Variants in ANO2 observed in about 807,000 individuals in gnomAD.
ANO2 encodes the protein anoctamin 2.
Under a neutral mutation model 124.2 loss-of-function variants are expected in ANO2, and 101 were observed. That is an observed-to-expected ratio of 0.81 (90% CI 0.69 to 0.96). ANO2 has a LOEUF of 0.96. Ranked by LOEUF, ANO2 falls within the 40% of genes least tolerant of loss-of-function variation. ANO2 has a pLI of 0.00. For missense variants in ANO2, 1,293 were observed against 1,274.5 expected, an observed-to-expected ratio of 1.01 and a Z score of -0.22; for synonymous variants, 486 against 482.5, an observed-to-expected ratio of 1.01 and a Z score of -0.09.
intron 19 of ANO2, among the ~76,000 whole-genome samples, chr12:5,601,285 T>C (rs1345027481): frequency 6.6e-6 from 1 of 152,132 alleles, no homozygotes; most frequent in Non-Finnish European, 1.5e-5. Context: ...TTTATCAAGA[T>C]AAATAAAGAT....
intron 3 of ANO2, among the ~76,000 whole-genome samples, chr12:5,907,495 CTG>C (rs1157307781): frequency 6.6e-6 from 1 of 152,236 alleles, no homozygotes; most frequent in East Asian, 1.9e-4. Context: ...TGTTAACTCT[CTG>C]TTCATGAATT....
At chr12:5,882,529 G>C (rs1591737035) in intron 3 of ANO2, among the ~76,000 whole-genome samples, 1 of 152,344 alleles carries the variant, frequency 6.6e-6, no homozygotes, top group South Asian at 2.1e-4. Flanking sequence ...GTCCTGGCCT[G>C]CTGGCTAGAC....
At chr12:5,736,860 A>AC (rs971634667) in intron 13 of ANO2, among the ~76,000 whole-genome samples, 1 of 152,026 alleles carries the variant, frequency 6.6e-6, no homozygotes, top group African/African-American at 2.4e-5. Context: ...TCTCGTGGGC[A>AC]CCCCTTCTTC....
At chr12:5,778,169 G>C (rs542386828) in intron 10 of ANO2, among the ~76,000 whole-genome samples, 65 of 152,288 alleles carry the variant, frequency 4.3e-4, no homozygotes, top group African/African-American at 1.5e-3. Context: ...TTATGTGTCA[G>C]ACACTAATCT....
intron 3 of ANO2, among the ~76,000 whole-genome samples, chr12:5,893,935 T>C (rs573995724): frequency 2.0e-5 from 3 of 152,314 alleles, no homozygotes; most frequent in Non-Finnish European, 2.9e-5. Flanking sequence ...TTGTCAATAG[T>C]GCTGCAATAA....
chr12:5,880,900 G>GGGATGGATGGATGGATGGATGGAT (rs367583083), intron 3 of ANO2, among the ~76,000 whole-genome samples: 3,111 of 142,442 alleles, frequency 0.022, 135 homozygotes, highest in African/African-American at 0.078. Context: ...GGGTAGGTGG[G>GGGATGGATGGATGGATGGATGGAT]GGATGGATGG....
intron 16 of ANO2, among the ~76,000 whole-genome samples, chr12:5,619,206 G>A (rs1303809500): frequency 2.6e-5 from 4 of 152,310 alleles, no homozygotes; most frequent in Non-Finnish European, 5.9e-5. Context: ...TAAGCTGCCA[G>A]AGAAAACTCA....
chr12:5,913,987 G>C (rs1258079547), intron 3 of ANO2, among the ~76,000 whole-genome samples: 1 of 152,056 alleles, frequency 6.6e-6, no homozygotes, highest in Non-Finnish European at 1.5e-5. Context: ...GGATCACACA[G>C]TCAGGAGTTG....
intron 7 of ANO2, among the ~76,000 whole-genome samples, chr12:5,822,645 C>T (rs1298371839): frequency 6.6e-6 from 1 of 152,142 alleles, no homozygotes; most frequent in African/African-American, 2.4e-5. Flanking sequence ...TACATGATGG[C>T]AGGTTGATTA....
intron 20 of ANO2, among the ~76,000 whole-genome samples, chr12:5,589,537 AC>A (rs895202855): frequency 1.3e-5 from 2 of 151,718 alleles, no homozygotes; most frequent in African/African-American, 4.8e-5. Flanking sequence ...TTATTCAGTT[AC>A]CCCCCTTTAC....
intron 19 of ANO2, among the ~76,000 whole-genome samples, chr12:5,609,744 C>T (rs1168491129): frequency 6.6e-6 from 1 of 151,856 alleles, no homozygotes; most frequent in Non-Finnish European, 1.5e-5. Flanking sequence ...AGGTCCCTGA[C>T]ACACCCCAAG....
At chr12:5,651,085 C>T (rs1307119774) in intron 14 of ANO2, among the ~76,000 whole-genome samples, 3 of 152,228 alleles carry the variant, frequency 2.0e-5, no homozygotes, top group African/African-American at 7.2e-5. Context: ...AAAGTAAGGT[C>T]TAACCAGCTT....
At chr12:5,569,593 C>G (rs144426429) in intron 23 of ANO2, among the ~76,000 whole-genome samples, 1 of 152,098 alleles carries the variant, frequency 6.6e-6, no homozygotes, top group South Asian at 2.1e-4. Flanking sequence ...TGTAAGAGAC[C>G]GAGGAAGTCA....
chr12:5,888,212 G>C (rs906207976), intron 3 of ANO2, among the ~76,000 whole-genome samples: 1 of 151,540 alleles, frequency 6.6e-6, no homozygotes, highest in African/African-American at 2.4e-5. Context: ...AGCTCTTAAG[G>C]CGGCGCGTCT....
chr12:5,578,438 C>G lies in ANO2; in HGVS notation c.2314G>C (p.Glu772Gln). ...PVFALLNNVI[E>Q]VRLDAKKFVT... ...AACTTCTTTGCATCGAGCCGCACTT[C>G]AATGACGTTGTTGAGGAGGGCAAAC... Residue 772 changes from glutamate to glutamine, a missense_variant, in exon 21 of 25, where the codon GAA becomes CAA. Glu to Gln is a conservative substitution (Grantham distance 29). Transcript: ENST00000682330. 6.2e-7 allele frequency: 1 copy of G among 1,613,996 alleles called. No homozygotes were observed. The highest frequency in any genetic ancestry group is 8.5e-7 in the Non-Finnish European group (1 of 1,179,888).
chr12:5,904,259 A>G lies in ANO2; in HGVS notation c.534+16781T>C, dbSNP rs1940522297. On this transcript the variant is annotated intron_variant, in intron 3 of 24. Coordinates refer to ENST00000682330, the MANE Select transcript of ANO2 (RefSeq NM_001364791.2). The surrounding 1 kb of genome is among the most constrained non-coding windows in gnomAD (Gnocchi z 4.1). ...ATGGTCCTTGAAAAAGGAAAGAGCCAATATGATGTGATTTCCAGAACCTGC... is the reference window on the plus strand; with the variant it reads ...ATGGTCCTTGAAAAAGGAAAGAGCCGATATGATGTGATTTCCAGAACCTGC... Among the ~76,000 whole-genome samples, 1 of 152,222 alleles carries G rather than the reference A, an allele frequency of 6.6e-6. No individual in the cohort carries two copies. The highest frequency in any genetic ancestry group is 1.5e-5 in the Non-Finnish European group (1 of 68,040).
chr12:5,794,366 G>C (rs1952784359), intron 10 of ANO2, among the ~76,000 whole-genome samples: 1 of 152,156 alleles, frequency 6.6e-6, no homozygotes, highest in Non-Finnish European at 1.5e-5. Context: ...TTACAGACAA[G>C]GTCTGCAAGC....
intron 3 of ANO2, among the ~76,000 whole-genome samples, chr12:5,894,984 G>C (rs890526465): frequency 6.6e-6 from 1 of 152,088 alleles, no homozygotes. Flanking sequence ...GCTCTCTTTT[G>C]GTTCCATATG....
intron 14 of ANO2, among the ~76,000 whole-genome samples, chr12:5,731,708 G>A (rs569315936): frequency 4.0e-5 from 6 of 151,434 alleles, no homozygotes; most frequent in East Asian, 1.9e-4. Flanking sequence ...GTTTTTTTAC[G>A]AACCACAGCA....
Sources: allele counts gnomAD v4.1 joint callset (sites outside exome capture counted in the v4.1 genomes callset), GRCh38; gene constraint gnomAD v4.1.1; non-coding constraint Gnocchi (gnomAD v3.1); transcripts MANE v1.5; gene names NCBI Gene and HGNC (gene_info 2026-07-23, HGNC 2026-07-21).